GIGYF1: variants seen among roughly 807,000 people sequenced by gnomAD.
The protein encoded by GIGYF1 is GRB10-interacting GYF protein 1.
Under a neutral mutation model 147.1 loss-of-function variants are expected in GIGYF1, and 84 were observed. That is an observed-to-expected ratio of 0.57 (90% CI 0.48 to 0.68). The LOEUF (loss-of-function observed/expected upper bound fraction) is 0.68, where lower values mean the gene tolerates loss of function less well. Ranked by LOEUF, GIGYF1 falls within the 30% of genes least tolerant of loss-of-function variation. The probability of loss-of-function intolerance (pLI) is 0.00; values close to 1 mark genes in which losing one functional copy is unlikely to be tolerated. For synonymous variants in GIGYF1, 752 were observed against 589.5 expected (o/e 1.28, Z -3.99); for missense variants, 1,485 against 1,393.7 (o/e 1.07, Z -1.04).
In GIGYF1 at chr7:100,684,092, G is replaced by A. The variant is rs750246144; in HGVS notation, c.1796C>T (p.Pro599Leu). ...AALGDLTPPP[P>L]PPPQQQQQQL... ...CTGCTGCTGCTGCTGTGGCGGCGGC[G>A]GTGGTGGCGGTGTCAGGTCCCCCAG... The change falls in exon 18 of 27, where the codon CCG becomes CTG. Residue 599 changes from proline to leucine, a missense_variant. Transcript: ENST00000678049. The A allele has an allele frequency of 5.5e-5, 89 of 1,606,716 alleles. No homozygotes were observed. The highest frequency in any genetic ancestry group is 1.7e-4 in the Middle Eastern group (1 of 6,036).
At position 100,679,822 on chromosome 7, in the gene GIGYF1, G is replaced by C. The variant is rs1456367875; in HGVS notation, c.*1897C>G. ...GGCTCCCCCTATACTTCCTCACAGG[G>C]TTAAGGCCTCTCCAGGCTCATGGGC... On this transcript the variant is annotated 3_prime_UTR_variant, in exon 27 of 27. Transcript: ENST00000678049. 6.6e-6 allele frequency: 1 copy of C among 152,546 alleles called. No homozygotes were observed. The highest frequency in any genetic ancestry group is 1.5e-5 in the Non-Finnish European group (1 of 68,050). 9.4% of individuals were successfully genotyped at this position (152,546 alleles called of 1,614,324 possible). A position where few individuals can be genotyped will look rare whatever the true frequency, so the allele number is the denominator to read the frequency against.
intron 1 of GIGYF1, among the ~76,000 whole-genome samples, chr7:100,690,015 C>A (rs756864205): frequency 6.6e-5 from 10 of 152,174 alleles, no homozygotes; most frequent in Non-Finnish European, 1.0e-4. Context: ...AGAGCCTCAA[C>A]TGAGGAGGGG....
chr7:100,682,173 G>A lies in GIGYF1; in HGVS notation c.2824C>T (p.Arg942Cys), dbSNP rs773640010. The A allele has an allele frequency of 2.1e-5, 34 of 1,613,938 alleles. No homozygotes were observed. Among genetic ancestry groups the A allele is most frequent in the East Asian group, 1.1e-4 (5 of 44,872 alleles). The change falls in exon 25 of 27, where the codon CGT becomes TGT. Residue 942 changes from arginine (R) to cysteine (C), a missense_variant. Transcript: ENST00000678049. ...ESPYDVHDYI[R>C]SCLGDTLEAK... is the part of the protein sequence containing the mutation. ...TCCAGCGTGTCCCCCAGGCAGGAACGGATATAATCGTGGACATCATAGGGG... is the reference window on the plus strand; with the variant it reads ...TCCAGCGTGTCCCCCAGGCAGGAACAGATATAATCGTGGACATCATAGGGG...
Position 100,682,883 on chromosome 7 carries a change from A to G in GIGYF1, c.2413-106T>C. ...GGGAGACAGGTGAGGTGAGGGCCAC[A>G]AGAGCTGTTGCCATCACAGGAGAGG... On this transcript the variant is annotated intron_variant, in intron 22 of 26. Transcript: ENST00000678049. 9 of 1,303,244 alleles carry G rather than the reference A, an allele frequency of 6.9e-6. No homozygotes were observed. The South Asian group carries it at 1.2e-4, about 17-fold the overall frequency. The allele number at this position is 1,303,244 out of a possible 1,614,324, so 80.7% of individuals were successfully genotyped here. A position where few individuals can be genotyped will look rare whatever the true frequency, so the allele number is the denominator to read the frequency against.
rs1193341685 is a variant in GIGYF1 at position 100,684,075 on chromosome 7, G to A, written c.1813C>T (p.Gln605Ter). Reference sequence around the variant, plus strand: ...AGGAATGCCGTGAGCTGCTGCTGCTGCTGCTGTGGCGGCGGCGGTGGTGGC... The same window carrying A: ...AGGAATGCCGTGAGCTGCTGCTGCTACTGCTGTGGCGGCGGCGGTGGTGGC... ...TPPPPPPPQQQQQQLTAFLQQ... is the reference protein window; with the variant it reads ...TPPPPPPPQQ The change falls in exon 18 of 27, where the codon CAG becomes TAG. Residue 605 changes from glutamine (Q) to a stop codon, truncating the protein, a stop_gained. Coordinates refer to ENST00000678049, the MANE Select transcript of GIGYF1 (RefSeq NM_001375765.1). LOFTEE classifies it high-confidence loss of function. The A allele has an allele frequency of 6.2e-7, 1 of 1,607,532 alleles. No individual in the cohort carries two copies. The highest frequency in any genetic ancestry group is 8.5e-7 in the Non-Finnish European group (1 of 1,179,756).
intron 20 of GIGYF1, 52 bp from the exon 21 acceptor site, chr7:100,683,496 C>G: frequency 6.2e-7 from 1 of 1,613,928 alleles, no homozygotes; most frequent in African/African-American, 1.3e-5. Flanking sequence ...AGCCTGGGGC[C>G]TGCCTCGGTC....
Position 100,687,053 on chromosome 7 carries a change from C to T in GIGYF1, c.483-7G>A, listed in dbSNP as rs759678189. 6.2e-7 allele frequency: 1 copy of T among 1,613,888 alleles called. No individual in the cohort carries two copies. Among genetic ancestry groups the T allele is most frequent in the South Asian group, 1.1e-5 (1 of 91,086 alleles). On this transcript the variant is annotated splice_region_variant and splice_polypyrimidine_tract_variant and intron_variant, in intron 8 of 26. Coordinates refer to ENST00000678049, the MANE Select transcript of GIGYF1 (RefSeq NM_001375765.1). ...CTCAAACCGCCTCTCGCCTCTGCAGCAGGGGAAACGTGTGGGTCAGAAACA... is the reference window on the plus strand; with the variant it reads ...CTCAAACCGCCTCTCGCCTCTGCAGTAGGGGAAACGTGTGGGTCAGAAACA...
chr7:100,683,658 G>A (rs377111946), intron 19 of GIGYF1, 26 bp from the exon 20 acceptor site: 248 of 1,604,754 alleles, frequency 1.5e-4, no homozygotes, highest in Non-Finnish European at 2.0e-4. Context: ...GGGCAGAGGC[G>A]GCTGCAGGTG....
chr7:100,686,710 G>GCCC lies in GIGYF1; in HGVS notation c.630_632dup (p.Gly211dup), dbSNP rs1562880577. ...GGGGCCCTGCTCCGAGCCTCCAGCTGCCCTCCTCCTCCTCCTCCTGTTCCT... is the reference window on the plus strand; with the variant it reads ...GGGGCCCTGCTCCGAGCCTCCAGCTGCCCCCCTCCTCCTCCTCCTCCTGTTCCT... On this transcript the variant is annotated inframe_insertion, in exon 10 of 27. Transcript: ENST00000678049. 5.6e-6 allele frequency: 9 copies of GCCC among 1,613,388 alleles called. No homozygotes were observed. The highest frequency in any genetic ancestry group is 7.6e-6 in the Non-Finnish European group (9 of 1,179,892).
intron 24 of GIGYF1, 39 bp downstream of exon 24, chr7:100,682,283 A>T (rs542310773): frequency 2.5e-6 from 4 of 1,607,862 alleles, no homozygotes; most frequent in Non-Finnish European, 3.4e-6. Flanking sequence ...GGGTCTGGAG[A>T]CCCAGGTCCC....
chr7:100,687,760 G>A (rs766301725), intron 6 of GIGYF1, 28 bp downstream of exon 6: 22 of 1,424,160 alleles, frequency 1.5e-5, no homozygotes, highest in African/African-American at 3.1e-5. Flanking sequence ...CCAGGCTCCC[G>A]CAGCCTCAGC....
rs922695712 is a variant in GIGYF1, at chr7:100,689,548, G to T, written c.-1091C>A. 6.6e-6 allele frequency: 1 copy of T among 152,668 alleles called. No individual in the cohort carries two copies. The highest frequency in any genetic ancestry group is 1.5e-5 in the Non-Finnish European group (1 of 68,442). 9.5% of individuals were successfully genotyped at this position (152,668 alleles called of 1,614,324 possible). The stretch of plus-strand genomic sequence containing the variant: ...CTGCAGCTCCCATCAACTCCAGGAC[G>T]CCACAGTCTGGGAAAGAAGAGGAAG... On this transcript the variant is annotated 5_prime_UTR_variant, in exon 2 of 27. Transcript: ENST00000678049.
In GIGYF1 at chr7:100,687,532, G is replaced by T. The variant is rs943416088; in HGVS notation, c.346C>A (p.Arg116=). 6.2e-7 allele frequency: 1 copy of T among 1,612,334 alleles called. No homozygotes were observed. Among genetic ancestry groups the T allele is most frequent in the African/African-American group, 1.3e-5 (1 of 75,022 alleles). Residue 116 remains arginine (R), a synonymous_variant, in exon 7 of 27, where the codon CGA becomes AGA. Transcript: ENST00000678049. Reference sequence around the variant, plus strand: ...CGGCTCCGCGTGCTGCCCCTGCCTCGGGAGGTGCCAGCCAGGGGGGGGCCA... The same window carrying T: ...CGGCTCCGCGTGCTGCCCCTGCCTCTGGAGGTGCCAGCCAGGGGGGGGCCA... ...GAGPPLAGTS[R]GRGSTRSRGR... is the part of the protein sequence containing the mutation.
At position 100,688,283 on chromosome 7, in the gene GIGYF1, G is replaced by A. The variant is rs192084647; in HGVS notation, c.-45C>T. 0.02 allele frequency: 24,803 copies of A among 1,211,032 alleles called. 402 individuals carry two copies. Among genetic ancestry groups the A allele is most frequent in the Middle Eastern group, 0.039 (176 of 4,462 alleles). The allele number at this position is 1,211,032 out of a possible 1,614,324, so 75.0% of individuals were successfully genotyped here. On this transcript the variant is annotated 5_prime_UTR_variant, in exon 4 of 27. Transcript: ENST00000678049. ...GAGAGGCCGGGGGTGGGGAGGAGGG[G>A]ACCTGGCGTTCACTGTCCAAACACC...
chr7:100,687,409 AGAG>A lies in GIGYF1; in HGVS notation c.374-6_374-4del. 3 of 1,613,096 alleles carry A rather than the reference AGAG, an allele frequency of 1.9e-6. No individual in the cohort carries two copies. Among genetic ancestry groups the A allele is most frequent in the Non-Finnish European group, 2.5e-6 (3 of 1,179,764 alleles). On this transcript the variant is annotated splice_region_variant and splice_polypyrimidine_tract_variant and intron_variant, in intron 7 of 26. Coordinates refer to ENST00000678049, the MANE Select transcript of GIGYF1 (RefSeq NM_001375765.1). Reference sequence around the variant, plus strand: ...GCAGCTGTCACCACGGCCGCGGCCTAGAGAAGAGGCCAGACGCACAATGAAACC... The same window carrying A: ...GCAGCTGTCACCACGGCCGCGGCCTAAAGAGGCCAGACGCACAATGAAACC...
chr7:100,692,239 G>A (rs949148841), intron 1 of GIGYF1, among the ~76,000 whole-genome samples: 1 of 152,232 alleles, frequency 6.6e-6, no homozygotes, highest in Non-Finnish European at 1.5e-5. Flanking sequence ...GGTTATCCCA[G>A]CTCTCTCCTC....
chr7:100,681,638 G>A lies in GIGYF1; in HGVS notation c.*81C>T. On this transcript the variant is annotated 3_prime_UTR_variant, in exon 27 of 27. Transcript: ENST00000678049. ...CTGCCTCTTCCTGTGCTCTCTGCGG[G>A]GAGCCTGCAGGCTGGGACCCTCGGT... The A allele has an allele frequency of 7.4e-7, 1 of 1,353,188 alleles. No homozygotes were observed. Among genetic ancestry groups the A allele is most frequent in the Non-Finnish European group, 1.0e-6 (1 of 999,828 alleles). The allele number at this position is 1,353,188 out of a possible 1,614,324, so 83.8% of individuals were successfully genotyped here. A position where few individuals can be genotyped will look rare whatever the true frequency, so the allele number is the denominator to read the frequency against.
In GIGYF1 at chr7:100,686,425, G is replaced by A; in HGVS notation, c.703C>T (p.Pro235Ser). The change falls in exon 11 of 27, where the codon CCC (proline) becomes TCC (serine). Residue 235 changes from proline to serine, a missense_variant. Physicochemically the swap from Pro to Ser is moderately conservative, Grantham distance 74. Coordinates refer to ENST00000678049, the MANE Select transcript of GIGYF1 (RefSeq NM_001375765.1). ...RWRSASPDGG[P>S]RSAGWREHGE... Reference sequence around the variant, plus strand: ...TGTTCCCGCCAGCCAGCAGAGCGGGGACCACCATCTGCACAGGAAAAGTCA... The same window carrying A: ...TGTTCCCGCCAGCCAGCAGAGCGGGAACCACCATCTGCACAGGAAAAGTCA... The A allele has an allele frequency of 1.9e-6, 3 of 1,597,182 alleles. No individual in the cohort carries two copies. The highest frequency in any genetic ancestry group is 2.6e-6 in the Non-Finnish European group (3 of 1,172,254).
At chr7:100,686,628 G>A (rs1169331765) in intron 10 of GIGYF1, 21 bp downstream of exon 10, 2 of 1,597,556 alleles carry the variant, frequency 1.3e-6, no homozygotes, top group African/African-American at 2.7e-5. Context: ...CCCCGCCAAT[G>A]CTACCAGGCC....
Sources: allele counts gnomAD v4.1 joint callset (sites outside exome capture counted in the v4.1 genomes callset), GRCh38; gene constraint gnomAD v4.1.1; transcripts MANE v1.5; gene names NCBI Gene and HGNC (gene_info 2026-07-23, HGNC 2026-07-21).